CELF2: variants seen among roughly 807,000 people sequenced by gnomAD.
CELF2 encodes CUG triplet repeat RNA-binding protein 2.
In CELF2, 8 loss-of-function variants were observed where a neutral mutation model predicts 62.6. The ratio of observed to expected loss-of-function variants is 0.13; its 90% CI spans 0.07 to 0.23. The LOEUF is 0.23. Ranked by LOEUF, CELF2 falls within the 10% of genes least tolerant of loss-of-function variation. CELF2 has a pLI of 1.00. For missense variants in CELF2, 333 were observed against 671.0 expected, an observed-to-expected ratio of 0.50 and a Z score of 5.56; for synonymous variants, 258 against 250.0, an observed-to-expected ratio of 1.03 and a Z score of -0.30.
intron 2 of CELF2, among the ~76,000 whole-genome samples, chr10:10,986,218 T>C (rs1017926492): frequency 6.6e-6 from 1 of 152,166 alleles, no homozygotes; most frequent in Non-Finnish European, 1.5e-5. Context: ...TTTCAAACTA[T>C]TAAAATTGCA....
At chr10:10,706,211 A>G in the CELF2 span, among the ~76,000 whole-genome samples, 1 of 152,138 alleles carries the variant, frequency 6.6e-6, no homozygotes, top group Non-Finnish European at 1.5e-5. Flanking sequence ...TTTTACATGT[A>G]CTTTTCTCAG....
chr10:11,175,422 A>G (rs968932416), intron 2 of CELF2, among the ~76,000 whole-genome samples: 14 of 152,260 alleles, frequency 9.2e-5, no homozygotes, highest in African/African-American at 3.4e-4. Flanking sequence ...TGAAGACGCT[A>G]AAGTGCAGAG....
chr10:10,739,057 C>T, the CELF2 span, among the ~76,000 whole-genome samples: 6 of 151,816 alleles, frequency 4.0e-5, no homozygotes, highest in South Asian at 2.1e-4. Flanking sequence ...AGCACAGAAT[C>T]GAGGCTACAG....
intron 8 of CELF2, among the ~76,000 whole-genome samples, chr10:11,284,832 AATGG>A (rs2090632392): frequency 7.5e-6 from 1 of 133,978 alleles, no homozygotes; most frequent in Non-Finnish European, 1.6e-5. Context: ...GTGGGAGAAT[AATGG>A]ATGGATGGGT....
chr10:11,015,053 T>A (rs2057048774), upstream of CELF2, among the ~76,000 whole-genome samples: 1 of 152,100 alleles, frequency 6.6e-6, no homozygotes, highest in Non-Finnish European at 1.5e-5. This position sits in a 1 kb window ranked among gnomAD's most constrained non-coding sequence, Gnocchi z 4.8. Context: ...GTCGATAAGA[T>A]CCTTGACTAT....
Position 11,241,093 on chromosome 10 carries a change from G to A in CELF2, c.355-8060G>A, listed in dbSNP as rs142443880. Among the ~76,000 whole-genome samples, 12 of 152,322 alleles carry A rather than the reference G, an allele frequency of 7.9e-5. No homozygotes were observed. In the East Asian group the frequency reaches 1.9e-3, roughly 24 times the overall value. ...CATAAAGAGCCTGTAGAGTGACGGC[G>A]AAGGGGAGGCTTCCTCTGTGTTGAC... On this transcript the variant is annotated intron_variant, in intron 3 of 12. Coordinates refer to ENST00000633077, the MANE Select transcript of CELF2 (RefSeq NM_001326342.2).
At chr10:10,740,455 G>A in the CELF2 span, among the ~76,000 whole-genome samples, 1 of 151,898 alleles carries the variant, frequency 6.6e-6, no homozygotes, top group Admixed American at 6.6e-5. Flanking sequence ...TACACAGTTG[G>A]TAGGAGTGTA....
the CELF2 span, among the ~76,000 whole-genome samples, chr10:10,632,696 T>TTAAG: frequency 6.6e-6 from 1 of 152,222 alleles, no homozygotes; most frequent in African/African-American, 2.4e-5. Flanking sequence ...TAGAAAATAT[T>TTAAG]TAAGTTATTT....
chr10:10,917,787 T>G (rs1317135504), intron 1 of CELF2: 1 of 152,156 alleles, frequency 6.6e-6, no homozygotes, highest in African/African-American at 2.4e-5. Flanking sequence ...CATTAAACAT[T>G]CTACAATGTC....
the CELF2 span, among the ~76,000 whole-genome samples, chr10:10,737,717 T>A: frequency 1.3e-5 from 2 of 152,012 alleles, no homozygotes; most frequent in African/African-American, 4.8e-5. Flanking sequence ...CTTGATGGCA[T>A]GCTAGATTGG....
intron 5 of CELF2, among the ~76,000 whole-genome samples, chr10:11,261,432 T>TG (rs397773657): frequency 1.3e-5 from 2 of 148,602 alleles, no homozygotes; most frequent in East Asian, 3.9e-4. Context: ...TTTTTTTTTT[T>TG]GTAAGTCGTG....
intron 10 of CELF2, among the ~76,000 whole-genome samples, chr10:11,320,199 T>A (rs886370093): frequency 1.4e-4 from 21 of 152,190 alleles, no homozygotes; most frequent in African/African-American, 5.1e-4. Flanking sequence ...TGTTGCTTGC[T>A]TTGACTCCGT....
the CELF2 span, among the ~76,000 whole-genome samples, chr10:10,725,858 C>T: frequency 3.3e-5 from 5 of 151,036 alleles, no homozygotes; most frequent in East Asian, 3.9e-4. Flanking sequence ...TTTGCCATAC[C>T]GATAGCTGGT....
At chr10:11,192,538 G>A (rs950943752) in intron 2 of CELF2, among the ~76,000 whole-genome samples, 2 of 152,188 alleles carry the variant, frequency 1.3e-5, no homozygotes, top group Non-Finnish European at 2.9e-5. Flanking sequence ...GGGAAGTCAG[G>A]CACCCTGCTC....
At chr10:10,613,304 CAG>C in the CELF2 span, among the ~76,000 whole-genome samples, 1 of 152,060 alleles carries the variant, frequency 6.6e-6, no homozygotes, top group South Asian at 2.1e-4. Context: ...TACCAAAAAG[CAG>C]AGAGAGTTTA....
Position 11,315,840 on chromosome 10 carries a change from C to T in CELF2, c.1096+1582C>T, listed in dbSNP as rs897959433. Among the ~76,000 whole-genome samples the T allele has an allele frequency of 1.3e-5, 2 of 152,244 alleles. No homozygotes were observed. The highest frequency in any genetic ancestry group is 6.5e-5 in the Admixed American group (1 of 15,282). Reference sequence around the variant, plus strand: ...TTGTCCTTCACCTAGGTCGAGGACGCGTGTGCTCGCACACATCCCCTCATG... The same window carrying T: ...TTGTCCTTCACCTAGGTCGAGGACGTGTGTGCTCGCACACATCCCCTCATG... On this transcript the variant is annotated intron_variant, in intron 10 of 12. Transcript: ENST00000633077. This position sits in a 1 kb window ranked among gnomAD's most constrained non-coding sequence, Gnocchi z 5.8.
chr10:10,649,308 G>A, the CELF2 span, among the ~76,000 whole-genome samples: 5 of 152,110 alleles, frequency 3.3e-5, no homozygotes, highest in Admixed American at 6.5e-5. Context: ...TTATTCTGTT[G>A]CAGAGGTCAG....
At chr10:10,978,536 G>A (rs1470593438) in intron 2 of CELF2, among the ~76,000 whole-genome samples, 2 of 152,170 alleles carry the variant, frequency 1.3e-5, no homozygotes, top group Non-Finnish European at 2.9e-5. Flanking sequence ...CAAGGTGATA[G>A]GAGATTGACA....
At chr10:10,791,387 T>G in the CELF2 span, among the ~76,000 whole-genome samples, 1 of 152,116 alleles carries the variant, frequency 6.6e-6, no homozygotes, top group Non-Finnish European at 1.5e-5. Context: ...TTTCCAACTT[T>G]GCCAGTAAAC....
Sources: gnomAD v4.1 joint callset for allele counts (sites outside exome capture counted in the v4.1 genomes callset) on GRCh38, gnomAD v4.1.1 for gene constraint, Gnocchi (gnomAD v3.1) non-coding constraint, MANE v1.5 for transcripts, NCBI Gene and HGNC (gene_info 2026-07-23, HGNC 2026-07-21) for gene names.